Variants in TMEM51 observed in about 807,000 individuals in gnomAD.
TMEM51 encodes the protein chromosome 1 open reading frame 72.
TMEM51 carries 8 observed loss-of-function variants against 13.6 expected under a neutral mutation model. The observed-to-expected ratio is 0.59, with a 90% confidence interval of 0.35 to 1.07. The LOEUF is 1.07. Ranked by LOEUF, TMEM51 falls within the 50% of genes least tolerant of loss-of-function variation. TMEM51 has a pLI of 0.02. For missense variants in TMEM51, 279 were observed against 330.7 expected (o/e 0.84, Z 1.21); for synonymous variants, 147 against 144.4 (o/e 1.02, Z -0.13).
chr1:15,164,807 C>CT (rs67258662), intron 1 of TMEM51, among the ~76,000 whole-genome samples: 315 of 116,252 alleles, frequency 2.7e-3, no homozygotes, highest in East Asian at 6.0e-3. Flanking sequence ...TTTTTTTTTC[C>CT]TTTTTTTTTT....
intron 1 of TMEM51, chr1:15,168,811 C>T (rs939003306): frequency 1.6e-6 from 2 of 1,281,298 alleles, no homozygotes; most frequent in African/African-American, 3.1e-5. Context: ...TAGGGGAATT[C>T]CTGGGAGTCA....
intron 1 of TMEM51, chr1:15,171,142 A>G (rs1305959746): frequency 1.6e-6 from 2 of 1,236,292 alleles, no homozygotes; most frequent in East Asian, 1.3e-4. Context: ...TTGCTGATTC[A>G]GTAGGTCTGA....
chr1:15,212,887 G>A (rs115915675), intron 2 of TMEM51, among the ~76,000 whole-genome samples: 91 of 152,352 alleles, frequency 6.0e-4, no homozygotes, highest in African/African-American at 2.1e-3. Context: ...ATATGCACAC[G>A]TGTTCATGCC....
intron 1 of TMEM51, among the ~76,000 whole-genome samples, chr1:15,194,151 C>T (rs574314143): frequency 6.6e-6 from 1 of 152,280 alleles, no homozygotes; most frequent in African/African-American, 2.4e-5. Context: ...CCACACTTTC[C>T]AACAGAAATA....
intron 1 of TMEM51, among the ~76,000 whole-genome samples, chr1:15,171,499 C>T (rs1467624007): frequency 6.6e-6 from 1 of 151,904 alleles, no homozygotes; most frequent in Admixed American, 6.6e-5. Context: ...CAAGTGTCCG[C>T]GGGGGGGCCT....
intron 1 of TMEM51, among the ~76,000 whole-genome samples, chr1:15,173,388 T>G (rs945391963): frequency 6.6e-6 from 1 of 151,714 alleles, no homozygotes; most frequent in Non-Finnish European, 1.5e-5. Context: ...CCCAGCTAAT[T>G]TTTTGTATTT....
chr1:15,159,660 G>T lies in TMEM51; in HGVS notation c.-267+5706G>T, dbSNP rs577223912. Among the ~76,000 whole-genome samples, 9 of 152,188 alleles carry T rather than the reference G, an allele frequency of 5.9e-5. No individual in the cohort carries two copies. In the South Asian group the frequency reaches 1.9e-3, roughly 32 times the overall value. ...CAACCTCCACCTCCCAGGTTCAAGCGATTCTCCTACCTCAGCCTCCCTAGT... is the reference window on the plus strand; with the variant it reads ...CAACCTCCACCTCCCAGGTTCAAGCTATTCTCCTACCTCAGCCTCCCTAGT... On this transcript the variant is annotated intron_variant, in intron 1 of 3. Coordinates refer to ENST00000376008, the MANE Select transcript of TMEM51 (RefSeq NM_001136218.2).
At chr1:15,214,420 T>G (rs190344533) in intron 2 of TMEM51, among the ~76,000 whole-genome samples, 94 of 152,218 alleles carry the variant, frequency 6.2e-4, no homozygotes, top group Non-Finnish European at 1.1e-3. Flanking sequence ...CTGCAGGAAG[T>G]AGGGAGCCAT....
At chr1:15,209,660 C>A (rs1644305309) in intron 1 of TMEM51, among the ~76,000 whole-genome samples, 1 of 152,220 alleles carries the variant, frequency 6.6e-6, no homozygotes, top group African/African-American at 2.4e-5. Context: ...TTTATCCTTT[C>A]TCCTGGGACC....
intron 1 of TMEM51, among the ~76,000 whole-genome samples, chr1:15,163,640 T>TTTTTTTTTTTGAGACAG (rs1553197697): frequency 6.7e-6 from 1 of 150,362 alleles, no homozygotes; most frequent in Non-Finnish European, 1.5e-5. Flanking sequence ...TTATTTTTTG[T>TTTTTTTTTTTGAGACAG]AATAATAGCA....
At chr1:15,184,292 T>G (rs1289714466) in intron 1 of TMEM51, among the ~76,000 whole-genome samples, 1 of 152,222 alleles carries the variant, frequency 6.6e-6, no homozygotes. Flanking sequence ...CCCAAAATTC[T>G]GGGATTACAG....
In TMEM51 at chr1:15,219,720, C is replaced by A. The variant is rs994547092; in HGVS notation, c.739C>A (p.Pro247Thr). 1.2e-6 allele frequency: 2 copies of A among 1,613,308 alleles called. No individual in the cohort carries two copies. The highest frequency in any genetic ancestry group is 1.7e-6 in the Non-Finnish European group (2 of 1,179,752). ...GTATGATGAAGTCCAGGAGAAGGCC[C>A]CCGACACCCGGCCGCCCGACTGAAT... ...PQYDEVQEKA[P>T]DTRPPD Residue 247 changes from proline (P) to threonine (T), a missense_variant, in exon 4 of 4, where the codon CCC (proline) becomes ACC (threonine). Physicochemically the swap from Pro to Thr is conservative, Grantham distance 38. Coordinates refer to ENST00000376008, the MANE Select transcript of TMEM51 (RefSeq NM_001136218.2).
At chr1:15,211,890 A>G (rs964103904) in intron 2 of TMEM51, among the ~76,000 whole-genome samples, 5 of 132,794 alleles carry the variant, frequency 3.8e-5, no homozygotes, top group Admixed American at 2.8e-4. Flanking sequence ...CTTTCATTTC[A>G]ATGTAAGTAC....
At chr1:15,210,787 G>C (rs965369167) in intron 2 of TMEM51, among the ~76,000 whole-genome samples, 3 of 152,104 alleles carry the variant, frequency 2.0e-5, no homozygotes, top group Non-Finnish European at 4.4e-5. Context: ...CATAAAATTA[G>C]CTTCTTTCCA....
At chr1:15,200,517 G>C (rs1644136131) in intron 1 of TMEM51, among the ~76,000 whole-genome samples, 1 of 151,632 alleles carries the variant, frequency 6.6e-6, no homozygotes, top group Non-Finnish European at 1.5e-5. Flanking sequence ...GCCACAGAGA[G>C]AGGCCTCAGA....
chr1:15,204,419 T>G (rs1248796824), intron 1 of TMEM51, among the ~76,000 whole-genome samples: 2 of 152,232 alleles, frequency 1.3e-5, no homozygotes, highest in Admixed American at 6.5e-5. Flanking sequence ...CCGGGTGTGG[T>G]GGCGCACGCC....
chr1:15,159,102 G>GT (rs1307119822), intron 1 of TMEM51, among the ~76,000 whole-genome samples: 1 of 152,222 alleles, frequency 6.6e-6, no homozygotes, highest in Non-Finnish European at 1.5e-5. Context: ...GAGCTGAGTG[G>GT]TGGAGGCAGG....
chr1:15,154,717 A>G (rs1030268400), intron 1 of TMEM51, among the ~76,000 whole-genome samples: 3 of 152,130 alleles, frequency 2.0e-5, no homozygotes, highest in Admixed American at 6.5e-5. Context: ...CTCTTTCCCA[A>G]CCAGCGGTGG....
chr1:15,155,039 T>C (rs1030358460), intron 1 of TMEM51, among the ~76,000 whole-genome samples: 4 of 152,212 alleles, frequency 2.6e-5, no homozygotes, highest in Non-Finnish European at 5.9e-5. Flanking sequence ...CTGTTGGCCC[T>C]GGGACCGTGA....
Sources: allele counts gnomAD v4.1 joint callset (sites outside exome capture counted in the v4.1 genomes callset), GRCh38; gene constraint gnomAD v4.1.1; transcripts MANE v1.5; gene names NCBI Gene and HGNC (gene_info 2026-07-23, HGNC 2026-07-21).